Variants in C3orf80 observed in about 807,000 individuals in gnomAD.
The protein encoded by C3orf80 is uncharacterized membrane protein C3orf80.
Under a neutral mutation model 15.8 loss-of-function variants are expected in C3orf80, and 10 were observed. The ratio of observed to expected loss-of-function variants is 0.63; its 90% CI spans 0.39 to 1.07. The LOEUF is 1.07. C3orf80 is among the 50% of genes least tolerant of loss of function. The pLI is 0.01. For synonymous variants in C3orf80, 183 were observed against 192.0 expected (o/e 0.95, Z 0.39); for missense variants, 364 against 379.3 (o/e 0.96, Z 0.34).
chr3:160,226,039 C>T lies in C3orf80; in HGVS notation c.404C>T (p.Pro135Leu), dbSNP rs1257183753. Residue 135 changes from proline to leucine, a missense_variant, in exon 1 of 1, where the codon CCC becomes CTC. Physicochemically the swap from Pro to Leu is moderately conservative, Grantham distance 98. Coordinates refer to ENST00000326474, the MANE Select transcript of C3orf80 (RefSeq NM_001168214.2). This position sits in a 1 kb window ranked among gnomAD's most constrained non-coding sequence, Gnocchi z 5.2. ...GGACCGCTGGGGGGCGCGGGGCCGCCCGACGACGACGACGACTCGCCCGCT... is the reference window on the plus strand; with the variant it reads ...GGACCGCTGGGGGGCGCGGGGCCGCTCGACGACGACGACGACTCGCCCGCT... ...GAGPLGGAGP[P>L]DDDDDSPALL... 6 of 1,391,896 alleles carry T rather than the reference C, an allele frequency of 4.3e-6. No homozygotes were observed. The South Asian group carries it at 9.8e-5, about 23-fold the overall frequency. The allele number at this position is 1,391,896 out of a possible 1,614,324, so 86.2% of individuals were successfully genotyped here.
chr3:160,228,170 A>G lies in C3orf80; in HGVS notation c.*1791A>G, dbSNP rs1711525886. 6.6e-6 allele frequency: 1 copy of G among 152,164 alleles called. No homozygotes were observed. 9.4% of individuals were successfully genotyped at this position (152,164 alleles called of 1,614,324 possible). On this transcript the variant is annotated 3_prime_UTR_variant, in exon 1 of 1. Coordinates refer to ENST00000326474, the MANE Select transcript of C3orf80 (RefSeq NM_001168214.2). ...AAAGAAAAATCATTTGAAGTGTATT[A>G]AAAAATAGCAAAACATTAAAATCTT... is the stretch of plus-strand genomic sequence containing the variant.
In C3orf80 at chr3:160,226,502, C is replaced by T; in HGVS notation, c.*123C>T. 9.4e-7 allele frequency: 1 copy of T among 1,064,644 alleles called. No individual in the cohort carries two copies. The highest frequency in any genetic ancestry group is 1.3e-6 in the Non-Finnish European group (1 of 798,476). 65.9% of individuals were successfully genotyped at this position (1,064,644 alleles called of 1,614,324 possible). On this transcript the variant is annotated 3_prime_UTR_variant, in exon 1 of 1. Transcript: ENST00000326474. This position sits in a 1 kb window ranked among gnomAD's most constrained non-coding sequence, Gnocchi z 5.2. ...CCTGGCCTAACTGCCCGGCACCCCGCGACTGGGTTGGGGTCACTCGTCTCC... is the reference window on the plus strand; with the variant it reads ...CCTGGCCTAACTGCCCGGCACCCCGTGACTGGGTTGGGGTCACTCGTCTCC...
In C3orf80 at chr3:160,225,609, G is replaced by A; in HGVS notation, c.-27G>A. 2 of 1,303,184 alleles carry A rather than the reference G, an allele frequency of 1.5e-6. No homozygotes were observed. The highest frequency in any genetic ancestry group is 1.5e-5 in the African/African-American group (1 of 64,768). The allele number at this position is 1,303,184 out of a possible 1,614,324, so 80.7% of individuals were successfully genotyped here. ...GACGGACTCCCCAGCCTCCCGTCCC[G>A]GACGTTAGCCGAGGTCTGCGCGGGC... On this transcript the variant is annotated 5_prime_UTR_variant, in exon 1 of 1. Coordinates refer to ENST00000326474, the MANE Select transcript of C3orf80 (RefSeq NM_001168214.2). This position sits in a 1 kb window ranked among gnomAD's most constrained non-coding sequence, Gnocchi z 5.6.
chr3:160,226,386 G>C lies in C3orf80; in HGVS notation c.*7G>C. 2.8e-6 allele frequency: 4 copies of C among 1,433,652 alleles called. No homozygotes were observed. The highest frequency in any genetic ancestry group is 3.6e-6 in the Non-Finnish European group (4 of 1,098,414). The allele number at this position is 1,433,652 out of a possible 1,614,324, so 88.8% of individuals were successfully genotyped here. A position where few individuals can be genotyped will look rare whatever the true frequency, so the allele number is the denominator to read the frequency against. ...CCGCTACCCTCTTATCTGAGCGCTC[G>C]GGGATCGGCGGCTGGTGCAGGGCTG... On this transcript the variant is annotated 3_prime_UTR_variant, in exon 1 of 1. Transcript: ENST00000326474. This position sits in a 1 kb window ranked among gnomAD's most constrained non-coding sequence, Gnocchi z 5.2.
Position 160,228,083 on chromosome 3 carries a change from G to GTC in C3orf80, c.*1706_*1707dup, listed in dbSNP as rs1475614782. On this transcript the variant is annotated 3_prime_UTR_variant, in exon 1 of 1. Coordinates refer to ENST00000326474, the MANE Select transcript of C3orf80 (RefSeq NM_001168214.2). The stretch of plus-strand genomic sequence containing the variant: ...TGACAGTTCTGAGAATTTTTTAAAT[G>GTC]TCTGAATTGTAATAAAAAAATGGTT... 2 of 152,096 alleles carry GTC rather than the reference G, an allele frequency of 1.3e-5. No homozygotes were observed. Among genetic ancestry groups the GTC allele is most frequent in the Non-Finnish European group, 2.9e-5 (2 of 67,974 alleles). The allele number at this position is 152,096 out of a possible 1,614,324, so 9.4% of individuals were successfully genotyped here. A position where few individuals can be genotyped will look rare whatever the true frequency, so the allele number is the denominator to read the frequency against.
At position 160,226,619 on chromosome 3, in the gene C3orf80, A is replaced by C; in HGVS notation, c.*240A>C. 2.2e-6 allele frequency: 1 copy of C among 463,674 alleles called. No homozygotes were observed. The highest frequency in any genetic ancestry group is 3.7e-6 in the Non-Finnish European group (1 of 268,610). 28.7% of individuals were successfully genotyped at this position (463,674 alleles called of 1,614,324 possible). ...GCGGCGGGTGCGGCTGCAGCAGGCG[A>C]CCCTCCAGCGCACCTTCGAAGGACG... is the stretch of plus-strand genomic sequence containing the variant. On this transcript the variant is annotated 3_prime_UTR_variant, in exon 1 of 1. Transcript: ENST00000326474. This position sits in a 1 kb window ranked among gnomAD's most constrained non-coding sequence, Gnocchi z 5.2.
Position 160,226,137 on chromosome 3 carries a change from GGAGGCGGCGGGCGCTCGGA to G in C3orf80, c.503_521del (p.Gly168AlafsTer12). The G allele has an allele frequency of 1.3e-6, 2 of 1,521,234 alleles. No individual in the cohort carries two copies. The highest frequency in any genetic ancestry group is 1.8e-6 in the Non-Finnish European group (2 of 1,140,780). 94.2% of individuals were successfully genotyped at this position (1,521,234 alleles called of 1,614,324 possible). A position where few individuals can be genotyped will look rare whatever the true frequency, so the allele number is the denominator to read the frequency against. On this transcript the variant is annotated frameshift_variant, in exon 1 of 1. Coordinates refer to ENST00000326474, the MANE Select transcript of C3orf80 (RefSeq NM_001168214.2). LOFTEE classifies it high-confidence loss of function. The surrounding 1 kb of genome is among the most constrained non-coding windows in gnomAD (Gnocchi z 5.2). ...CAGTGGCGGCGGCGGCCGGGGCCGG[GGAGGCGGCGGGCGCTCGGA>G]CCCCTCCTGCGCCTCAGAGCACGAG...
At position 160,228,015 on chromosome 3, in the gene C3orf80, G is replaced by A. The variant is rs1332644622; in HGVS notation, c.*1636G>A. ...CTTAAAATATCTGACTTGTATTGAA[G>A]AAAATTATTTAATTAAATTTTTAAA... On this transcript the variant is annotated 3_prime_UTR_variant, in exon 1 of 1. Coordinates refer to ENST00000326474, the MANE Select transcript of C3orf80 (RefSeq NM_001168214.2). The A allele has an allele frequency of 6.6e-6, 1 of 152,064 alleles. No homozygotes were observed. The highest frequency in any genetic ancestry group is 1.5e-5 in the Non-Finnish European group (1 of 67,984). 9.4% of individuals were successfully genotyped at this position (152,064 alleles called of 1,614,324 possible). A position where few individuals can be genotyped will look rare whatever the true frequency, so the allele number is the denominator to read the frequency against.
In C3orf80 at chr3:160,226,193, G is replaced by A; in HGVS notation, c.558G>A (p.Val186=). The A allele has an allele frequency of 6.5e-7, 1 of 1,530,912 alleles. No individual in the cohort carries two copies. The highest frequency in any genetic ancestry group is 8.7e-7 in the Non-Finnish European group (1 of 1,144,726). The allele number at this position is 1,530,912 out of a possible 1,614,324, so 94.8% of individuals were successfully genotyped here. ...CCTCAGAGCACGAGATGCGTGTAGT[G>A]TCGCCGGTCTTCCTGCAGCTGCCCA... The part of the protein sequence containing the change: ...SCASEHEMRV[V]SPVFLQLPSY... The change falls in exon 1 of 1, where the codon GTG becomes GTA. Residue 186 remains valine, a synonymous_variant. Transcript: ENST00000326474. The surrounding 1 kb of genome is among the most constrained non-coding windows in gnomAD (Gnocchi z 5.2).
chr3:160,225,885 G>T lies in C3orf80; in HGVS notation c.250G>T (p.Gly84Trp). The change falls in exon 1 of 1, where the codon GGG becomes TGG. Residue 84 changes from glycine (G) to tryptophan (W), a missense_variant. By Grantham distance (184) the Gly-to-Trp change is radical (BLOSUM62 -2). Coordinates refer to ENST00000326474, the MANE Select transcript of C3orf80 (RefSeq NM_001168214.2). This position sits in a 1 kb window ranked among gnomAD's most constrained non-coding sequence, Gnocchi z 5.6. The stretch of plus-strand genomic sequence containing the variant: ...GGGCTGGTTCGTCCGCAAGCTCTCC[G>T]GGCTGCTCATCCTGCTGGTGCTCTT... ...NVGWFVRKLS[G>W]LLILLVLFAI... 6.7e-7 allele frequency: 1 copy of T among 1,489,928 alleles called. No homozygotes were observed. The highest frequency in any genetic ancestry group is 2.9e-5 in the East Asian group (1 of 34,952). 92.3% of individuals were successfully genotyped at this position (1,489,928 alleles called of 1,614,324 possible).
chr3:160,226,053 G>C lies in C3orf80; in HGVS notation c.418G>C (p.Asp140His), dbSNP rs773068598. The part of the protein sequence containing the change: ...GGAGPPDDDD[D>H]SPALLRDEAA... Reference sequence around the variant, plus strand: ...CGCGGGGCCGCCCGACGACGACGACGACTCGCCCGCTCTGCTGCGCGACGA... The same window carrying C: ...CGCGGGGCCGCCCGACGACGACGACCACTCGCCCGCTCTGCTGCGCGACGA... The change falls in exon 1 of 1, where the codon GAC (aspartate) becomes CAC (histidine). Residue 140 changes from aspartate to histidine, a missense_variant. Asp to His is a moderately conservative substitution (Grantham distance 81). Transcript: ENST00000326474. The surrounding 1 kb of genome is among the most constrained non-coding windows in gnomAD (Gnocchi z 5.2). 2.1e-6 allele frequency: 3 copies of C among 1,426,552 alleles called. No homozygotes were observed. The highest frequency in any genetic ancestry group is 3.0e-5 in the African/African-American group (2 of 67,156). The allele number at this position is 1,426,552 out of a possible 1,614,324, so 88.4% of individuals were successfully genotyped here.
At position 160,225,756 on chromosome 3, in the gene C3orf80, T is replaced by G; in HGVS notation, c.121T>G (p.Cys41Gly). 1 of 1,401,036 alleles carries G rather than the reference T, an allele frequency of 7.1e-7. No homozygotes were observed. Among genetic ancestry groups the G allele is most frequent in the Non-Finnish European group, 9.2e-7 (1 of 1,082,310 alleles). 86.8% of individuals were successfully genotyped at this position (1,401,036 alleles called of 1,614,324 possible). ...GGCGCCCTCGCGGGGCGGCGGGGGC[T>G]GCGCTGAGCTGGCGTGCGGCGAGCG... ...LVAPSRGGGGCAELACGERER... is the reference protein window; with the variant it reads ...LVAPSRGGGGGAELACGERER... Residue 41 changes from cysteine (C) to glycine (G), a missense_variant, in exon 1 of 1, where the codon TGC (cysteine) becomes GGC (glycine). Cys to Gly is a radical substitution (Grantham distance 159). Transcript: ENST00000326474. This position sits in a 1 kb window ranked among gnomAD's most constrained non-coding sequence, Gnocchi z 5.6.
In C3orf80 at chr3:160,227,539, T is replaced by C. The variant is rs1023876152; in HGVS notation, c.*1160T>C. Reference sequence around the variant, plus strand: ...ATATGCCATACCATGAAGCATATGATGTTGTGCACTTTCTCCTCCATTTTT... The same window carrying C: ...ATATGCCATACCATGAAGCATATGACGTTGTGCACTTTCTCCTCCATTTTT... On this transcript the variant is annotated 3_prime_UTR_variant, in exon 1 of 1. Transcript: ENST00000326474. 1 of 152,232 alleles carries C rather than the reference T, an allele frequency of 6.6e-6. No homozygotes were observed. The highest frequency in any genetic ancestry group is 2.4e-5 in the African/African-American group (1 of 41,456). 9.4% of individuals were successfully genotyped at this position (152,232 alleles called of 1,614,324 possible). A position where few individuals can be genotyped will look rare whatever the true frequency, so the allele number is the denominator to read the frequency against.
In C3orf80 at chr3:160,226,666, C is replaced by G. The variant is rs1323239243; in HGVS notation, c.*287C>G. On this transcript the variant is annotated 3_prime_UTR_variant, in exon 1 of 1. Transcript: ENST00000326474. The surrounding 1 kb of genome is among the most constrained non-coding windows in gnomAD (Gnocchi z 5.2). ...GACGTCCCTGCCCTCTGCCTTGCCT[C>G]GTATTGTGGTTCACTAGTAAGTGCC... 2.6e-6 allele frequency: 1 copy of G among 377,800 alleles called. No individual in the cohort carries two copies. The highest frequency in any genetic ancestry group is 4.0e-5 in the East Asian group (1 of 24,812). The allele number at this position is 377,800 out of a possible 1,614,324, so 23.4% of individuals were successfully genotyped here. A position where few individuals can be genotyped will look rare whatever the true frequency, so the allele number is the denominator to read the frequency against.
rs752309849 is a variant in C3orf80 at position 160,227,865 on chromosome 3, G to A, written c.*1486G>A. ...CACCTGAAAGGAGAAGGAAAAGTAC[G>A]AAAGGTTTCTCTGCTTGGGAAAAGG... On this transcript the variant is annotated 3_prime_UTR_variant, in exon 1 of 1. Transcript: ENST00000326474. 6.6e-6 allele frequency: 1 copy of A among 152,172 alleles called. No homozygotes were observed. The allele number at this position is 152,172 out of a possible 1,614,324, so 9.4% of individuals were successfully genotyped here.
rs140780874 is a variant in C3orf80 at position 160,227,973 on chromosome 3, T to C, written c.*1594T>C. The C allele has an allele frequency of 3.0e-4, 46 of 152,308 alleles. No individual in the cohort carries two copies. Among genetic ancestry groups the C allele is most frequent in the African/African-American group, 1.0e-3 (43 of 41,580 alleles). 9.4% of individuals were successfully genotyped at this position (152,308 alleles called of 1,614,324 possible). ...CATTGTTCTTCTGATTGAAGAAGTC[T>C]GATGCTCCTGAAAAATCTTAAAATA... On this transcript the variant is annotated 3_prime_UTR_variant, in exon 1 of 1. Transcript: ENST00000326474.
In C3orf80 at chr3:160,226,057, C is replaced by G; in HGVS notation, c.422C>G (p.Ser141Trp). ...GAGPPDDDDDSPALLRDEAAA... is the reference protein window; with the variant it reads ...GAGPPDDDDDWPALLRDEAAA... ...GGGCCGCCCGACGACGACGACGACT[C>G]GCCCGCTCTGCTGCGCGACGAGGCG... The change falls in exon 1 of 1, where the codon TCG becomes TGG. Residue 141 changes from serine to tryptophan, a missense_variant. Physicochemically the swap from Ser to Trp is radical, Grantham distance 177. Transcript: ENST00000326474. This position sits in a 1 kb window ranked among gnomAD's most constrained non-coding sequence, Gnocchi z 5.2. 1 of 1,440,896 alleles carries G rather than the reference C, an allele frequency of 6.9e-7. No individual in the cohort carries two copies. Among genetic ancestry groups the G allele is most frequent in the African/African-American group, 1.5e-5 (1 of 67,584 alleles). The allele number at this position is 1,440,896 out of a possible 1,614,324, so 89.3% of individuals were successfully genotyped here. A position where few individuals can be genotyped will look rare whatever the true frequency, so the allele number is the denominator to read the frequency against.
Position 160,225,812 on chromosome 3 carries a change from G to GGCGGTGCGCTGCTGCAA in C3orf80, c.180_196dup (p.Leu66ArgfsTer126). Reference sequence around the variant, plus strand: ...GCTGCTGCGACGCGACCAACGCCACGGCGGTGCGCTGCTGCAAGCTGCCGC... The same window carrying GGCGGTGCGCTGCTGCAA: ...GCTGCTGCGACGCGACCAACGCCACGGCGGTGCGCTGCTGCAAGCGGTGCGCTGCTGCAAGCTGCCGC... On this transcript the variant is annotated frameshift_variant, in exon 1 of 1. Coordinates refer to ENST00000326474, the MANE Select transcript of C3orf80 (RefSeq NM_001168214.2). LOFTEE classifies it high-confidence loss of function. The surrounding 1 kb of genome is among the most constrained non-coding windows in gnomAD (Gnocchi z 5.6). The GGCGGTGCGCTGCTGCAA allele has an allele frequency of 6.8e-7, 1 of 1,476,986 alleles. No individual in the cohort carries two copies. The highest frequency in any genetic ancestry group is 8.9e-7 in the Non-Finnish European group (1 of 1,118,808). The allele number at this position is 1,476,986 out of a possible 1,614,324, so 91.5% of individuals were successfully genotyped here.
chr3:160,226,079 G>A lies in C3orf80; in HGVS notation c.444G>A (p.Glu148=). The A allele has an allele frequency of 6.8e-7, 1 of 1,465,724 alleles. No homozygotes were observed. Among genetic ancestry groups the A allele is most frequent in the Non-Finnish European group, 9.0e-7 (1 of 1,115,012 alleles). 90.8% of individuals were successfully genotyped at this position (1,465,724 alleles called of 1,614,324 possible). Residue 148 remains glutamate (E), a synonymous_variant, in exon 1 of 1, where the codon GAG becomes GAA. Coordinates refer to ENST00000326474, the MANE Select transcript of C3orf80 (RefSeq NM_001168214.2). The surrounding 1 kb of genome is among the most constrained non-coding windows in gnomAD (Gnocchi z 5.2). ...DDDSPALLRD[E]AAAGSQDSLL... ...ACTCGCCCGCTCTGCTGCGCGACGAGGCGGCAGCCGGCTCTCAGGACTCAC... is the reference window on the plus strand; with the variant it reads ...ACTCGCCCGCTCTGCTGCGCGACGAAGCGGCAGCCGGCTCTCAGGACTCAC...
Sources: gnomAD v4.1 joint callset for allele counts on GRCh38, gnomAD v4.1.1 for gene constraint, Gnocchi (gnomAD v3.1) non-coding constraint, MANE v1.5 for transcripts, NCBI Gene and HGNC (gene_info 2026-07-23, HGNC 2026-07-21) for gene names.